Variants in ADGRL4 observed in about 807,000 individuals in gnomAD.
ADGRL4 encodes the protein EGF, latrophilin and seven transmembrane domain containing 1.
A neutral mutation model predicts 74.8 loss-of-function variants in ADGRL4; 90 were observed. The ratio of observed to expected loss-of-function variants is 1.20; its 90% CI spans 1.02 to 1.43. The LOEUF is 1.43. ADGRL4 is among the 40% of genes most tolerant of loss of function. ADGRL4 has a pLI of 0.00. For synonymous variants in ADGRL4, 311 were observed against 279.2 expected (o/e 1.11, Z -1.14); for missense variants, 881 against 814.3 (o/e 1.08, Z -1.00).
intron 7 of ADGRL4, among the ~76,000 whole-genome samples, chr1:78,935,736 G>A (rs1649339323): frequency 6.6e-6 from 1 of 152,058 alleles, no homozygotes; most frequent in Non-Finnish European, 1.5e-5. Flanking sequence ...ATTTCAGACA[G>A]TAACAAAAGT....
At chr1:78,994,075 T>A (rs1337720897) in intron 2 of ADGRL4, among the ~76,000 whole-genome samples, 1 of 152,214 alleles carries the variant, frequency 6.6e-6, no homozygotes, top group Non-Finnish European at 1.5e-5. Context: ...TGTTACTTCC[T>A]TATTCCTGAA....
In ADGRL4 at chr1:78,891,087, A is replaced by C. The variant is rs1280942919; in HGVS notation, c.*67T>G. ...GGATAATTTGATGAGTCATTTTTAT[A>C]CATTGGTCATCCACAGCTTGGAATT... On this transcript the variant is annotated 3_prime_UTR_variant, in exon 15 of 15. Transcript: ENST00000370742. The C allele has an allele frequency of 1.4e-6, 2 of 1,450,080 alleles. No homozygotes were observed. The highest frequency in any genetic ancestry group is 9.7e-7 in the Non-Finnish European group (1 of 1,032,140). The allele number at this position is 1,450,080 out of a possible 1,614,324, so 89.8% of individuals were successfully genotyped here. A position where few individuals can be genotyped will look rare whatever the true frequency, so the allele number is the denominator to read the frequency against.
At chr1:78,974,160 C>T (rs1300128940) in intron 2 of ADGRL4, among the ~76,000 whole-genome samples, 1 of 152,074 alleles carries the variant, frequency 6.6e-6, no homozygotes, top group South Asian at 2.1e-4. Flanking sequence ...ATCTTCAGTG[C>T]AAAATATTTT....
chr1:78,976,427 T>C (rs1267606746), intron 2 of ADGRL4, among the ~76,000 whole-genome samples: 1 of 151,832 alleles, frequency 6.6e-6, no homozygotes, highest in East Asian at 1.9e-4. Flanking sequence ...ATATGAAATA[T>C]TAAGAAAACA....
intron 12 of ADGRL4, among the ~76,000 whole-genome samples, chr1:78,911,614 AACACAC>A (rs34707725): frequency 0.078 from 11,735 of 149,980 alleles, 528 homozygotes; most frequent in African/African-American, 0.12. Context: ...TCAAGATCTA[AACACAC>A]ACACACACAC....
intron 2 of ADGRL4, among the ~76,000 whole-genome samples, chr1:78,947,337 C>T (rs140840549): frequency 2.2e-4 from 33 of 152,142 alleles, no homozygotes; most frequent in Admixed American, 9.8e-4. Flanking sequence ...TATAAAAGGA[C>T]GGAAATTTGG....
At chr1:78,925,624 T>A (rs1433308829) in intron 8 of ADGRL4, among the ~76,000 whole-genome samples, 4 of 152,050 alleles carry the variant, frequency 2.6e-5, no homozygotes, top group Non-Finnish European at 5.9e-5. Flanking sequence ...AGCAGGTATA[T>A]TGTCAGAGGA....
chr1:78,897,928 C>G (rs927699305), intron 12 of ADGRL4, among the ~76,000 whole-genome samples: 1 of 151,994 alleles, frequency 6.6e-6, no homozygotes, highest in Non-Finnish European at 1.5e-5. Flanking sequence ...ACTTCAAATC[C>G]TTTTTCTAAC....
intron 2 of ADGRL4, among the ~76,000 whole-genome samples, chr1:78,960,804 G>T (rs11810042): frequency 0.014 from 2,197 of 152,170 alleles, 51 homozygotes; most frequent in African/African-American, 0.05. Context: ...CAGCAAGAAG[G>T]CACCAAAAAG....
intron 2 of ADGRL4, among the ~76,000 whole-genome samples, chr1:78,970,855 T>C (rs1463852150): frequency 6.6e-6 from 1 of 152,180 alleles, no homozygotes; most frequent in Non-Finnish European, 1.5e-5. Flanking sequence ...TCCCAAGCTG[T>C]AAACTGGTTG....
chr1:78,993,594 A>G (rs995186816), intron 2 of ADGRL4, among the ~76,000 whole-genome samples: 1 of 148,182 alleles, frequency 6.7e-6, no homozygotes, highest in African/African-American at 2.5e-5. Flanking sequence ...TTTGAGATGG[A>G]GTCTCGCTCT....
chr1:78,956,784 AG>A, intron 2 of ADGRL4, among the ~76,000 whole-genome samples: 1 of 152,200 alleles, frequency 6.6e-6, no homozygotes, highest in Non-Finnish European at 1.5e-5. Flanking sequence ...AAGAAGAAAA[AG>A]AAGTCAAAAT....
chr1:78,970,052 C>T (rs570584748), intron 2 of ADGRL4, among the ~76,000 whole-genome samples: 3 of 152,186 alleles, frequency 2.0e-5, no homozygotes, highest in Admixed American at 1.3e-4. Context: ...CAAATCCTAG[C>T]AAGCGTAACT....
intron 3 of ADGRL4, among the ~76,000 whole-genome samples, chr1:78,940,361 T>C (rs764575138): frequency 6.6e-6 from 1 of 152,156 alleles, no homozygotes; most frequent in Non-Finnish European, 1.5e-5. Context: ...TGGTTCTTCA[T>C]ACACAATCAT....
At position 78,946,260 on chromosome 1, in the gene ADGRL4, A is replaced by G. The variant is rs779636334; in HGVS notation, c.325+14T>C. 5 of 1,587,104 alleles carry G rather than the reference A, an allele frequency of 3.2e-6. No individual in the cohort carries two copies. In the African/African-American group the frequency reaches 4.1e-5, roughly 13 times the overall value. On this transcript the variant is annotated intron_variant, in intron 3 of 14. Coordinates refer to ENST00000370742, the MANE Select transcript of ADGRL4 (RefSeq NM_022159.4). ...GAGATATATACAAATTCTAACTTAG[A>G]TAACCGAACTTACCTATACAGACGG...
chr1:78,998,611 CT>C (rs1470794436), intron 2 of ADGRL4, among the ~76,000 whole-genome samples: 5 of 152,092 alleles, frequency 3.3e-5, no homozygotes, highest in African/African-American at 1.2e-4. Flanking sequence ...GGTGACCCAC[CT>C]GCCTCGGCTT....
At chr1:78,982,753 T>A (rs1650421949) in intron 2 of ADGRL4, among the ~76,000 whole-genome samples, 1 of 151,586 alleles carries the variant, frequency 6.6e-6, no homozygotes, top group Non-Finnish European at 1.5e-5. Flanking sequence ...AGGACAAACA[T>A]AAATAGAAAG....
At chr1:78,929,989 G>C (rs1649204386) in intron 7 of ADGRL4, among the ~76,000 whole-genome samples, 1 of 151,332 alleles carries the variant, frequency 6.6e-6, no homozygotes, top group Admixed American at 6.6e-5. Flanking sequence ...ATGTATGCTT[G>C]GTTAATTAGA....
At chr1:78,901,758 A>G (rs1159440242) in intron 12 of ADGRL4, among the ~76,000 whole-genome samples, 1 of 152,136 alleles carries the variant, frequency 6.6e-6, no homozygotes, top group Non-Finnish European at 1.5e-5. Context: ...ACCCCCACAT[A>G]TAGCTACATG....
Sources: gnomAD v4.1 joint callset for allele counts (sites outside exome capture counted in the v4.1 genomes callset) on GRCh38, gnomAD v4.1.1 for gene constraint, MANE v1.5 for transcripts, NCBI Gene and HGNC (gene_info 2026-07-23, HGNC 2026-07-21) for gene names.